CELA1: variants seen among roughly 807,000 people sequenced by gnomAD.
CELA1 encodes the protein chymotrypsin-like elastase family member 1.
CELA1 carries 28 observed loss-of-function variants against 34.8 expected under a neutral mutation model. The observed-to-expected ratio is 0.80, with a 90% CI of 0.60 to 1.10. CELA1 has a LOEUF of 1.10. CELA1 is among the 50% of genes least tolerant of loss of function. The pLI is 0.00. For missense variants in CELA1, 288 were observed against 327.5 expected (o/e 0.88, Z 0.93); for synonymous variants, 140 against 129.8 (o/e 1.08, Z -0.53).
chr12:51,336,822 C>T (rs967816722), intron 6 of CELA1, among the ~76,000 whole-genome samples: 4 of 152,196 alleles, frequency 2.6e-5, no homozygotes, highest in Non-Finnish European at 4.4e-5. Context: ...GATCCTCCTC[C>T]TTCCCTCCTC....
At chr12:51,329,888 C>T (rs1946459539) in intron 6 of CELA1, 55 bp from the exon 7 acceptor site, 19 of 1,501,330 alleles carry the variant, frequency 1.3e-5, no homozygotes, top group South Asian at 1.1e-4. Flanking sequence ...CTTTTGCTTG[C>T]ACTCCCCCCG....
At position 51,340,020 on chromosome 12, in the gene CELA1, C is replaced by A. The variant is rs757777920; in HGVS notation, c.464-15G>T. 6.2e-7 allele frequency: 1 copy of A among 1,608,568 alleles called. No individual in the cohort carries two copies. Among genetic ancestry groups the A allele is most frequent in the African/African-American group, 1.3e-5 (1 of 74,802 alleles). On this transcript the variant is annotated splice_polypyrimidine_tract_variant and intron_variant, in intron 5 of 7. Transcript: ENST00000293636. Reference sequence around the variant, plus strand: ...CTGCCCATTGGCTGAACAGGACACACGGCATTGGCAGTCAGCTCCAGATGT... The same window carrying A: ...CTGCCCATTGGCTGAACAGGACACAAGGCATTGGCAGTCAGCTCCAGATGT...
In CELA1 at chr12:51,335,522, G is replaced by GATTA. The variant is rs142032711; in HGVS notation, c.609+4337_609+4338insTAAT. 9.1e-3 allele frequency among the ~76,000 whole-genome samples: 1,382 copies of GATTA among 151,938 alleles called. 29 individuals carry two copies. Among genetic ancestry groups the GATTA allele is most frequent in the African/African-American group, 0.032 (1,308 of 41,450 alleles). On this transcript the variant is annotated intron_variant, in intron 6 of 7. Transcript: ENST00000293636. ...GCCCGCCATAGCCTCCCAAAGCACT[G>GATTA]ATATTACAGGCGGGAGCCACCGCGC...
At chr12:51,342,301 T>G (rs1023880488) in intron 4 of CELA1, among the ~76,000 whole-genome samples, 1 of 152,272 alleles carries the variant, frequency 6.6e-6, no homozygotes, top group African/African-American at 2.4e-5. Flanking sequence ...TCCCAAAGTG[T>G]TGGGATTATA....
chr12:51,345,745 C>A lies in CELA1; in HGVS notation c.99+50G>T, dbSNP rs1946561695. The A allele has an allele frequency of 2.4e-6, 3 of 1,234,508 alleles. No homozygotes were observed. In the Admixed American group the frequency reaches 5.9e-5, roughly 24 times the overall value. The allele number at this position is 1,234,508 out of a possible 1,614,324, so 76.5% of individuals were successfully genotyped here. ...AATACACATGATACCTTATGTCATG[C>A]ACTGAGCTCTTATTTGGGTGGAAGT... On this transcript the variant is annotated intron_variant, in intron 2 of 7. Transcript: ENST00000293636.
Position 51,342,595 on chromosome 12 carries a change from G to C in CELA1, c.306C>G (p.Asn102Lys), listed in dbSNP as rs763795094. ...CCTACCCGGCAGCCACGTTATCGCT[G>C]TTCCAGTATGGATGCACCACGATCT... ...VQKIVVHPYWNSDNVAAGYDI... is the reference protein window; with the variant it reads ...VQKIVVHPYWKSDNVAAGYDI... The change falls in exon 4 of 8, where the codon AAC becomes AAG. Residue 102 changes from asparagine to lysine, a missense_variant. Asn to Lys is a moderately conservative substitution (Grantham distance 94). Transcript: ENST00000293636. 11 of 1,614,136 alleles carry C rather than the reference G, an allele frequency of 6.8e-6. No homozygotes were observed. The Admixed American group carries it at 1.8e-4, about 27-fold the overall frequency.
At chr12:51,328,712 G>A (rs1479452954) in intron 7 of CELA1, 118 bp from the exon 8 acceptor site, 20 of 1,120,196 alleles carry the variant, frequency 1.8e-5, no homozygotes, top group South Asian at 2.6e-5. Flanking sequence ...TTGACAGGGT[G>A]TGGGGACAGG....
chr12:51,333,096 A>ATT (rs368851452), intron 6 of CELA1, among the ~76,000 whole-genome samples: 116 of 141,632 alleles, frequency 8.2e-4, no homozygotes, highest in Middle Eastern at 3.5e-3. Flanking sequence ...CTCCCCGTTA[A>ATT]TTTTTTTTTT....
chr12:51,340,491 G>T (rs1334879060), intron 5 of CELA1, among the ~76,000 whole-genome samples: 1 of 149,708 alleles, frequency 6.7e-6, no homozygotes, highest in Non-Finnish European at 1.5e-5. Flanking sequence ...CCAGGTTCAA[G>T]AGATTCTCCT....
At chr12:51,341,530 C>G (rs1592298398) in intron 4 of CELA1, 150 bp from the exon 5 acceptor site, 1 of 744,238 alleles carries the variant, frequency 1.3e-6, no homozygotes, top group Non-Finnish European at 2.2e-6. Context: ...AAGCCTCAAA[C>G]TAGAGCAATT....
chr12:51,334,496 C>T (rs1043747967), intron 6 of CELA1, among the ~76,000 whole-genome samples: 1 of 152,038 alleles, frequency 6.6e-6, no homozygotes, highest in Non-Finnish European at 1.5e-5. Context: ...TGCAGTGGCA[C>T]GATTTCAGCT....
intron 2 of CELA1, among the ~76,000 whole-genome samples, chr12:51,344,706 A>G (rs1179335766): frequency 6.6e-6 from 1 of 151,968 alleles, no homozygotes; most frequent in Admixed American, 6.6e-5. Context: ...TCCTCCCCCA[A>G]AAAAGAGGAA....
At chr12:51,330,425 G>T (rs1946463039) in intron 6 of CELA1, among the ~76,000 whole-genome samples, 1 of 152,112 alleles carries the variant, frequency 6.6e-6, no homozygotes, top group Non-Finnish European at 1.5e-5. Flanking sequence ...TAGAATGCCA[G>T]GTCCATAATG....
At chr12:51,340,540 C>G (rs139953574) in intron 5 of CELA1, among the ~76,000 whole-genome samples, 2 of 152,154 alleles carry the variant, frequency 1.3e-5, no homozygotes, top group African/African-American at 4.8e-5. Context: ...AAGGCATGCA[C>G]CACCATGCCT....
rs1946524719 is a variant in CELA1 at position 51,339,999 on chromosome 12, C to G, written c.470G>C (p.Gly157Ala). 3.7e-6 allele frequency: 6 copies of G among 1,613,104 alleles called. No individual in the cohort carries two copies. The highest frequency in any genetic ancestry group is 5.1e-6 in the Non-Finnish European group (6 of 1,179,548). Residue 157 changes from glycine (G) to alanine (A), a missense_variant, in exon 6 of 8, where the codon GGG (glycine) becomes GCG (alanine). Transcript: ENST00000293636. ...ITGWGKTKTN[G>A]QLAQTLQQAY... The stretch of plus-strand genomic sequence containing the variant: ...CTGCTGCAGGGTCTGGGCCAGCTGC[C>G]CATTGGCTGAACAGGACACACGGCA...
intron 2 of CELA1, among the ~76,000 whole-genome samples, chr12:51,345,014 A>C (rs1435816497): frequency 6.6e-6 from 1 of 151,946 alleles, no homozygotes; most frequent in Non-Finnish European, 1.5e-5. Context: ...AATCCCAGCT[A>C]CTCAGGAGGC....
intron 4 of CELA1, 131 bp downstream of exon 4, chr12:51,342,444 G>A (rs2137482912): frequency 7.5e-7 from 1 of 1,336,786 alleles, no homozygotes. Flanking sequence ...TAAAGGCCAG[G>A]CCAGGAGCCA....
At chr12:51,343,303 C>G (rs1946548868) in intron 3 of CELA1, among the ~76,000 whole-genome samples, 2 of 152,168 alleles carry the variant, frequency 1.3e-5, no homozygotes, top group Admixed American at 6.5e-5. Context: ...CCTGGACCTA[C>G]CAAATTAGAA....
chr12:51,338,321 TAG>T (rs1946513453), intron 6 of CELA1, among the ~76,000 whole-genome samples: 1 of 122,470 alleles, frequency 8.2e-6, no homozygotes, highest in South Asian at 2.7e-4. Flanking sequence ...TATATATATA[TAG>T]AAATCAAAAT....
Sources: allele counts gnomAD v4.1 joint callset (sites outside exome capture counted in the v4.1 genomes callset), GRCh38; gene constraint gnomAD v4.1.1; transcripts MANE v1.5; gene names NCBI Gene and HGNC (gene_info 2026-07-23, HGNC 2026-07-21).